The following MYT1L variants were observed in gnomAD, a reference collection of about 807,000 sequenced individuals.
The protein encoded by MYT1L is myelin transcription factor 1-like protein.
MYT1L carries 12 observed loss-of-function variants against 126.7 expected under a neutral mutation model. That is an observed-to-expected ratio of 0.09 (90% CI 0.06 to 0.15). The LOEUF (loss-of-function observed/expected upper bound fraction) is 0.15. Among genes scored for constraint, MYT1L ranks in the 10% least tolerant of loss-of-function variants. MYT1L has a pLI of 1.00. For missense variants in MYT1L, 979 were observed against 1,585.2 expected (o/e 0.62, Z 6.49); for synonymous variants, 541 against 604.2 (o/e 0.90, Z 1.53).
Position 1,846,726 on chromosome 2 carries a change from C to A in MYT1L, c.2774+4915G>T, listed in dbSNP as rs541155128. On this transcript the variant is annotated intron_variant, in intron 19 of 24. Transcript: ENST00000647738. ...AGACCTCACTGACCCTCTGGCGAAACAGCTCTATGCCCCGCATGAGAATGG... is the reference window on the plus strand; with the variant it reads ...AGACCTCACTGACCCTCTGGCGAAAAAGCTCTATGCCCCGCATGAGAATGG... Among the ~76,000 whole-genome samples, 7 of 152,330 alleles carry A rather than the reference C, an allele frequency of 4.6e-5. No homozygotes were observed. The South Asian group carries it at 1.4e-3, about 32-fold the overall frequency.
intron 4 of MYT1L, among the ~76,000 whole-genome samples, chr2:2,033,386 C>T (rs1478738336): frequency 6.6e-6 from 1 of 151,184 alleles, no homozygotes; most frequent in East Asian, 2.0e-4. Flanking sequence ...TACACATACC[C>T]CTCGCCAGTG....
At chr2:2,299,927 C>T (rs1452520435) in intron 1 of MYT1L, among the ~76,000 whole-genome samples, 4 of 152,126 alleles carry the variant, frequency 2.6e-5, no homozygotes, top group Admixed American at 6.6e-5. Flanking sequence ...TTTTAATTAA[C>T]TTTAAAGCAA....
chr2:1,992,934 A>T (rs1226917106), intron 5 of MYT1L, among the ~76,000 whole-genome samples: 1 of 152,088 alleles, frequency 6.6e-6, no homozygotes, highest in African/African-American at 2.4e-5. Flanking sequence ...AGCTGGCACC[A>T]CCCGGATCAA....
intron 11 of MYT1L, among the ~76,000 whole-genome samples, chr2:1,915,366 C>T (rs2052665936): frequency 1.3e-5 from 2 of 152,084 alleles, no homozygotes; most frequent in Admixed American, 1.3e-4. Context: ...ACTCTCCTTG[C>T]CTCCGAGAGC....
chr2:2,044,463 G>A (rs1167757501), intron 4 of MYT1L, among the ~76,000 whole-genome samples: 1 of 152,182 alleles, frequency 6.6e-6, no homozygotes, highest in East Asian at 1.9e-4. Context: ...CAGAAGTTCT[G>A]ATCGTGGTAC....
chr2:2,158,895 CCTG>C (rs35613427), intron 3 of MYT1L, among the ~76,000 whole-genome samples: 14,746 of 152,162 alleles, frequency 0.097, 1,051 homozygotes, highest in African/African-American at 0.2. Context: ...GCTGGTATTT[CCTG>C]CTGAAGGGCT....
At chr2:1,813,568 G>T (rs1572469289) in intron 21 of MYT1L, among the ~76,000 whole-genome samples, 1 of 152,142 alleles carries the variant, frequency 6.6e-6, no homozygotes, top group South Asian at 2.1e-4. Flanking sequence ...CCTGAGCTCC[G>T]CCTCCCGACA....
At chr2:2,154,181 A>T (rs1014739673) in intron 3 of MYT1L, among the ~76,000 whole-genome samples, 18 of 152,188 alleles carry the variant, frequency 1.2e-4, no homozygotes, top group African/African-American at 4.3e-4. Flanking sequence ...CTGATGCCCA[A>T]TGACGCTGGG....
intron 18 of MYT1L, among the ~76,000 whole-genome samples, chr2:1,856,115 A>G (rs1053371135): frequency 6.6e-6 from 1 of 152,248 alleles, no homozygotes. Flanking sequence ...AGCAACAACA[A>G]GAAAACAAAA....
chr2:2,103,915 G>T (rs1426668025), intron 3 of MYT1L, among the ~76,000 whole-genome samples: 4 of 152,228 alleles, frequency 2.6e-5, no homozygotes, highest in African/African-American at 9.6e-5. Context: ...CCACAGCTCA[G>T]TCGAAGGCAA....
chr2:1,878,023 G>A (rs762224248), intron 18 of MYT1L, among the ~76,000 whole-genome samples: 5 of 152,170 alleles, frequency 3.3e-5, no homozygotes, highest in Admixed American at 1.3e-4. Context: ...TAATTACGTC[G>A]GGTTTATTTA....
chr2:2,286,348 T>C (rs1161455855), intron 1 of MYT1L, among the ~76,000 whole-genome samples: 1 of 152,160 alleles, frequency 6.6e-6, no homozygotes. Flanking sequence ...ACACAGAAAC[T>C]TTCTCTTTTG....
chr2:2,135,143 C>T (rs550563958), intron 3 of MYT1L, among the ~76,000 whole-genome samples: 2 of 152,210 alleles, frequency 1.3e-5, no homozygotes, highest in South Asian at 4.2e-4. Flanking sequence ...TGGCTGTGTC[C>T]CCACCCAAAT....
chr2:2,310,514 A>T (rs1372992377), intron 1 of MYT1L, among the ~76,000 whole-genome samples: 1 of 152,190 alleles, frequency 6.6e-6, no homozygotes, highest in African/African-American at 2.4e-5. Flanking sequence ...CTAATCAAAA[A>T]CTTCCTCTAA....
chr2:1,882,030 AC>A (rs1039680458), intron 18 of MYT1L, among the ~76,000 whole-genome samples: 6 of 152,184 alleles, frequency 3.9e-5, no homozygotes, highest in African/African-American at 1.4e-4. Flanking sequence ...GGGCAGTCCA[AC>A]CACCTGTTCC....
rs191599458 is a variant in MYT1L, at chr2:2,021,837, C to G, written c.-157-24490G>C. On this transcript the variant is annotated intron_variant, in intron 4 of 24. Transcript: ENST00000647738. Reference sequence around the variant, plus strand: ...GCGTGAACCCGGGTGGCGGAGCTTGCAGTGAGCCGAGATCGTGCCACTGCA... The same window carrying G: ...GCGTGAACCCGGGTGGCGGAGCTTGGAGTGAGCCGAGATCGTGCCACTGCA... Among the ~76,000 whole-genome samples the G allele has an allele frequency of 3.3e-3, 507 of 152,212 alleles. 2 individuals are homozygous for G. The highest frequency in any genetic ancestry group is 0.012 in the African/African-American group (496 of 41,532).
chr2:1,875,627 A>C (rs1232648673), intron 18 of MYT1L, among the ~76,000 whole-genome samples: 1 of 152,172 alleles, frequency 6.6e-6, no homozygotes, highest in African/African-American at 2.4e-5. Flanking sequence ...TCTGTCCCCA[A>C]GCACTGGGCC....
Position 1,942,479 on chromosome 2 carries a change from T to C in MYT1L, c.505+503A>G, listed in dbSNP as rs536341080. Among the ~76,000 whole-genome samples the C allele has an allele frequency of 3.3e-5, 5 of 152,290 alleles. 1 individual carries two copies. Among genetic ancestry groups the C allele is most frequent in the African/African-American group, 4.8e-5 (2 of 41,564 alleles). On this transcript the variant is annotated intron_variant, in intron 9 of 24. Transcript: ENST00000647738. ...TCCTTTCATCCCAATTATGTGACCA[T>C]CACTCAAGCAAAGCTTTGGCAATCT...
chr2:1,824,243 C>T (rs2038984272), intron 21 of MYT1L, among the ~76,000 whole-genome samples: 1 of 152,250 alleles, frequency 6.6e-6, no homozygotes, highest in Admixed American at 6.5e-5. Context: ...ACCAATTCTT[C>T]CAACAATCTG....
Sources: gnomAD v4.1 joint callset for allele counts (sites outside exome capture counted in the v4.1 genomes callset) on GRCh38, gnomAD v4.1.1 for gene constraint, MANE v1.5 for transcripts, NCBI Gene and HGNC (gene_info 2026-07-23, HGNC 2026-07-21) for gene names.